The following MECOM variants were observed in gnomAD, a reference collection of about 807,000 sequenced individuals.
MECOM encodes MDS1 and EVI1 complex locus.
A neutral mutation model predicts 116.3 loss-of-function variants in MECOM; 13 were observed. The ratio of observed to expected loss-of-function variants is 0.11; its 90% CI spans 0.07 to 0.18. The LOEUF (loss-of-function observed/expected upper bound fraction) is 0.18. MECOM is among the 10% of genes least tolerant of loss of function. The pLI is 1.00. For synonymous variants in MECOM, 528 were observed against 535.2 expected, an observed-to-expected ratio of 0.99 and a Z score of 0.19; for missense variants, 1,299 against 1,509.0, an observed-to-expected ratio of 0.86 and a Z score of 2.31.
At chr3:169,582,346 CAAAT>C (rs1012800026) in intron 1 of MECOM, among the ~76,000 whole-genome samples, 2 of 151,168 alleles carry the variant, frequency 1.3e-5, no homozygotes, top group African/African-American at 4.9e-5. Context: ...AGAAATAAAA[CAAAT>C]AAAAAAGAGG....
At chr3:169,258,602 CATT>C (rs1010924187) in intron 2 of MECOM, among the ~76,000 whole-genome samples, 15 of 152,110 alleles carry the variant, frequency 9.9e-5, no homozygotes, top group African/African-American at 1.9e-4. Flanking sequence ...TCTGAGGTGT[CATT>C]GTTGTTAGTT....
chr3:169,423,330 T>A (rs930914419), intron 1 of MECOM, among the ~76,000 whole-genome samples: 1 of 149,680 alleles, frequency 6.7e-6, no homozygotes, highest in African/African-American at 2.5e-5. Context: ...CCAATTAACC[T>A]CTCTTGGTTT....
chr3:169,555,042 A>G (rs1242780193), intron 1 of MECOM, among the ~76,000 whole-genome samples: 3 of 152,242 alleles, frequency 2.0e-5, no homozygotes, highest in Non-Finnish European at 4.4e-5. Flanking sequence ...AAATAAGTTT[A>G]CCAGAAGAGG....
intron 2 of MECOM, among the ~76,000 whole-genome samples, chr3:169,261,751 G>A (rs1442306096): frequency 6.7e-6 from 1 of 149,470 alleles, no homozygotes; most frequent in Non-Finnish European, 1.5e-5. Context: ...GAGAAAAGAA[G>A]AAGAAGAAGA....
At chr3:169,097,577 G>A (rs889693860) in intron 12 of MECOM, among the ~76,000 whole-genome samples, 3 of 151,970 alleles carry the variant, frequency 2.0e-5, no homozygotes, top group African/African-American at 7.2e-5. Flanking sequence ...TCTATTAGTA[G>A]CAGACTTTGC....
chr3:169,576,971 C>T, intron 1 of MECOM, among the ~76,000 whole-genome samples: 1 of 152,058 alleles, frequency 6.6e-6, no homozygotes, highest in Non-Finnish European at 1.5e-5. Context: ...TAGATATATG[C>T]TAGGGGTCTC....
chr3:169,319,194 G>C (rs1382868476), intron 2 of MECOM, among the ~76,000 whole-genome samples: 1 of 151,768 alleles, frequency 6.6e-6, no homozygotes, highest in African/African-American at 2.4e-5. Context: ...ATCAGTGATC[G>C]ACTGGATAAA....
Position 169,131,369 on chromosome 3 carries a change from G to A in MECOM, c.613+60C>T, listed in dbSNP as rs1439814950. ...AACACCAGGAACAATGGATGCTTTC[G>A]ATGCTACTTTATAGTCGCGATGATA... On this transcript the variant is annotated intron_variant, in intron 4 of 16. Transcript: ENST00000651503. The A allele has an allele frequency of 3.6e-6, 5 of 1,372,220 alleles. No homozygotes were observed. In the South Asian group the frequency reaches 4.7e-5, roughly 13 times the overall value. The allele number at this position is 1,372,220 out of a possible 1,614,324, so 85.0% of individuals were successfully genotyped here. A position where few individuals can be genotyped will look rare whatever the true frequency, so the allele number is the denominator to read the frequency against.
At chr3:169,202,504 T>C (rs1749295559) in intron 2 of MECOM, among the ~76,000 whole-genome samples, 1 of 152,048 alleles carries the variant, frequency 6.6e-6, no homozygotes, top group East Asian at 1.9e-4. Flanking sequence ...CAAAATAGAC[T>C]AAATTCTGTA....
At chr3:169,221,869 C>T (rs1389668313) in intron 2 of MECOM, among the ~76,000 whole-genome samples, 1 of 152,054 alleles carries the variant, frequency 6.6e-6, no homozygotes, top group Non-Finnish European at 1.5e-5. Flanking sequence ...GTAAATCAGA[C>T]TTCAGCTCTG....
chr3:169,325,261 T>C (rs1560133763), intron 2 of MECOM, among the ~76,000 whole-genome samples: 1 of 152,160 alleles, frequency 6.6e-6, no homozygotes, highest in African/African-American at 2.4e-5. Context: ...CACTGGAAAC[T>C]GGATGAGGTG....
intron 1 of MECOM, among the ~76,000 whole-genome samples, chr3:169,433,001 C>G (rs1002878042): frequency 6.6e-6 from 1 of 152,192 alleles, no homozygotes; most frequent in Non-Finnish European, 1.5e-5. Flanking sequence ...CTTGCCCAAA[C>G]CCTTTACCCA....
chr3:169,594,804 A>G (rs1003435280), intron 1 of MECOM, among the ~76,000 whole-genome samples: 19 of 151,686 alleles, frequency 1.3e-4, no homozygotes, highest in Admixed American at 3.3e-4. Flanking sequence ...TTAAAACAAC[A>G]AGGCAACACA....
At chr3:169,624,089 C>T (rs1430857580) in intron 1 of MECOM, 4 of 152,246 alleles carry the variant, frequency 2.6e-5, no homozygotes, top group Non-Finnish European at 4.4e-5. Flanking sequence ...AAATCAAAGT[C>T]ATTCTGGTCA....
chr3:169,168,759 T>C (rs565533931), intron 2 of MECOM, among the ~76,000 whole-genome samples: 1 of 151,766 alleles, frequency 6.6e-6, no homozygotes, highest in Non-Finnish European at 1.5e-5. Context: ...AACCAGACAA[T>C]TGGCAAATCT....
chr3:169,346,362 T>C (rs1415671701), intron 2 of MECOM, among the ~76,000 whole-genome samples: 3 of 152,132 alleles, frequency 2.0e-5, no homozygotes, highest in African/African-American at 7.2e-5. Context: ...ACCATCATCA[T>C]ACATTCTGCA....
chr3:169,229,058 G>C (rs1382438244), intron 2 of MECOM, among the ~76,000 whole-genome samples: 2 of 152,132 alleles, frequency 1.3e-5, no homozygotes, highest in Non-Finnish European at 2.9e-5. Flanking sequence ...ACATATACAT[G>C]AGTGTTAACT....
chr3:169,449,285 C>T (rs1296489695), intron 1 of MECOM, among the ~76,000 whole-genome samples: 1 of 152,080 alleles, frequency 6.6e-6, no homozygotes, highest in African/African-American at 2.4e-5. Context: ...GCTCATTTAC[C>T]CATAATGCAT....
chr3:169,252,820 G>A (rs571218849), intron 2 of MECOM, among the ~76,000 whole-genome samples: 20 of 152,298 alleles, frequency 1.3e-4, no homozygotes, highest in South Asian at 6.2e-4. Context: ...CTAGCAGATG[G>A]CTAAAGCCAG....
Sources: allele counts gnomAD v4.1 joint callset (sites outside exome capture counted in the v4.1 genomes callset), GRCh38; gene constraint gnomAD v4.1.1; transcripts MANE v1.5; gene names NCBI Gene and HGNC (gene_info 2026-07-23, HGNC 2026-07-21).